The following ARHGAP35 variants were observed in gnomAD, a reference collection of about 807,000 sequenced individuals.
ARHGAP35 encodes the protein Rho GTPase activating protein 35.
ARHGAP35 carries 15 observed loss-of-function variants against 111.1 expected under a neutral mutation model. The ratio of observed to expected loss-of-function variants is 0.13; its 90% CI spans 0.09 to 0.21. The LOEUF (loss-of-function observed/expected upper bound fraction) is 0.21. Among genes scored for constraint, ARHGAP35 ranks in the 10% least tolerant of loss-of-function variants. ARHGAP35 has a pLI of 1.00. For synonymous variants in ARHGAP35, 643 were observed against 710.3 expected (o/e 0.91, Z 1.51); for missense variants, 1,262 against 1,873.0 (o/e 0.67, Z 6.02).
At chr19:46,861,443 C>A (rs1425353745) in intron 1 of ARHGAP35, among the ~76,000 whole-genome samples, 1 of 149,754 alleles carries the variant, frequency 6.7e-6, no homozygotes, top group East Asian at 2.0e-4. Flanking sequence ...CTGCCCGCCC[C>A]AGCCCTGCTG....
rs2056695898 is a variant in ARHGAP35, at chr19:46,994,427, G to A, written c.4036+4752G>A. 1.3e-5 allele frequency among the ~76,000 whole-genome samples: 2 copies of A among 152,338 alleles called. No individual in the cohort carries two copies. The highest frequency in any genetic ancestry group is 3.4e-3 in the Middle Eastern group (1 of 294). On this transcript the variant is annotated intron_variant, in intron 5 of 6. Coordinates refer to ENST00000672722, the MANE Select transcript of ARHGAP35 (RefSeq NM_004491.5). This position sits in a 1 kb window ranked among gnomAD's most constrained non-coding sequence, Gnocchi z 5.4. ...AGGGTAGAAGGTGTCCAGGGTGCAC[G>A]GGCTGGGCTGGCTCTTGGCCACCAG...
intron 1 of ARHGAP35, among the ~76,000 whole-genome samples, chr19:46,862,928 A>C (rs928818345): frequency 6.6e-6 from 1 of 151,478 alleles, no homozygotes; most frequent in Admixed American, 6.6e-5. Flanking sequence ...CTTCTTAATC[A>C]TTCTTTCCTA....
At chr19:46,899,176 C>T (rs1242571994) in intron 1 of ARHGAP35, among the ~76,000 whole-genome samples, 6 of 152,062 alleles carry the variant, frequency 3.9e-5, no homozygotes, top group African/African-American at 1.4e-4. Context: ...GCAGAGAAGG[C>T]ATTATTTTAC....
chr19:46,980,902 G>A (rs1177304269), intron 3 of ARHGAP35, among the ~76,000 whole-genome samples: 1 of 152,156 alleles, frequency 6.6e-6, no homozygotes, highest in African/African-American at 2.4e-5. Context: ...ATACCACCAG[G>A]GGATGAGGTG....
At chr19:46,889,337 T>C (rs910968749) in intron 1 of ARHGAP35, among the ~76,000 whole-genome samples, 38 of 151,906 alleles carry the variant, frequency 2.5e-4, no homozygotes, top group Admixed American at 6.6e-5. Flanking sequence ...CGTGTGCCTG[T>C]AGTCCCAGCT....
intron 2 of ARHGAP35, among the ~76,000 whole-genome samples, chr19:46,924,492 C>T (rs904740112): frequency 6.6e-6 from 1 of 152,236 alleles, no homozygotes; most frequent in African/African-American, 2.4e-5. Flanking sequence ...TTAATAAATG[C>T]CATAGGCATC....
chr19:46,899,115 C>T (rs375548969), intron 1 of ARHGAP35, among the ~76,000 whole-genome samples: 48 of 152,264 alleles, frequency 3.2e-4, no homozygotes, highest in African/African-American at 1.1e-3. Flanking sequence ...CGCGTTTGAC[C>T]AAATGAATGC....
At chr19:46,864,079 A>G (rs2055843072) in intron 1 of ARHGAP35, among the ~76,000 whole-genome samples, 1 of 152,240 alleles carries the variant, frequency 6.6e-6, no homozygotes, top group Non-Finnish European at 1.5e-5. Flanking sequence ...CCTGCCGTAC[A>G]AGGGGTGTGT....
rs914889984 is a variant in ARHGAP35, at chr19:46,901,431, G to A, written c.-188-17057G>A. 1.2e-4 allele frequency among the ~76,000 whole-genome samples: 18 copies of A among 152,160 alleles called. No homozygotes were observed. The highest frequency in any genetic ancestry group is 4.1e-4 in the African/African-American group (17 of 41,450). ...AAATTAGCTAGGCATGGTGACGCGTGCCTGTAGTTCCAGCTACTTGGAAGG... is the reference window on the plus strand; with the variant it reads ...AAATTAGCTAGGCATGGTGACGCGTACCTGTAGTTCCAGCTACTTGGAAGG... On this transcript the variant is annotated intron_variant, in intron 1 of 6. Transcript: ENST00000672722. This position sits in a 1 kb window ranked among gnomAD's most constrained non-coding sequence, Gnocchi z 4.5.
intron 1 of ARHGAP35, among the ~76,000 whole-genome samples, chr19:46,892,028 C>T (rs199676269): frequency 1.3e-5 from 2 of 148,498 alleles, no homozygotes; most frequent in Admixed American, 6.8e-5. Context: ...GACTCACAAC[C>T]GTAATCCCAG....
chr19:46,931,770 G>A (rs1599828823), intron 2 of ARHGAP35, among the ~76,000 whole-genome samples: 1 of 152,152 alleles, frequency 6.6e-6, no homozygotes, highest in South Asian at 2.1e-4. Context: ...ACCATGCAGG[G>A]GAAAGAGCAT....
chr19:46,968,310 C>T (rs959310416), intron 3 of ARHGAP35, among the ~76,000 whole-genome samples: 6 of 152,036 alleles, frequency 3.9e-5, no homozygotes, highest in Admixed American at 1.3e-4. Context: ...ATAGGGCATG[C>T]GTGTGAAACA....
At chr19:46,956,255 C>A (rs2056438557) in intron 3 of ARHGAP35, among the ~76,000 whole-genome samples, 1 of 152,078 alleles carries the variant, frequency 6.6e-6, no homozygotes, top group Non-Finnish European at 1.5e-5. Context: ...GAGGCAGAGG[C>A]CACAGTAAGC....
At chr19:46,912,045 CTTTT>C (rs952290963) in intron 1 of ARHGAP35, among the ~76,000 whole-genome samples, 2 of 139,940 alleles carry the variant, frequency 1.4e-5, no homozygotes, top group Non-Finnish European at 3.1e-5. Flanking sequence ...CCCTTCTTTT[CTTTT>C]TTTTTTTTTT....
chr19:46,875,014 G>A (rs781501405), intron 1 of ARHGAP35, among the ~76,000 whole-genome samples: 16 of 149,106 alleles, frequency 1.1e-4, no homozygotes, highest in South Asian at 2.1e-4. Flanking sequence ...GTTTCACCAT[G>A]TTGGTCAGGC....
intron 1 of ARHGAP35, among the ~76,000 whole-genome samples, chr19:46,868,420 T>C (rs2055869855): frequency 6.6e-6 from 1 of 152,250 alleles, no homozygotes; most frequent in Non-Finnish European, 1.5e-5. Flanking sequence ...TAGACTATTC[T>C]GATTAATGTC....
In ARHGAP35 at chr19:46,920,670, C is replaced by T. The variant is rs1031361752; in HGVS notation, c.1995C>T (p.Tyr665=). The change falls in exon 2 of 7, where the codon TAC becomes TAT. Residue 665 remains tyrosine (Y), a synonymous_variant. Transcript: ENST00000672722. The surrounding 1 kb of genome is among the most constrained non-coding windows in gnomAD (Gnocchi z 7.0). ...TFQPHGCLCL[Y]NSKESLSYVV... ...AGCCCCACGGCTGTCTCTGCCTTTACAATTCAAAGGAATCGCTATCCTATG... is the reference window on the plus strand; with the variant it reads ...AGCCCCACGGCTGTCTCTGCCTTTATAATTCAAAGGAATCGCTATCCTATG... 5 of 1,613,854 alleles carry T rather than the reference C, an allele frequency of 3.1e-6. No homozygotes were observed. The East Asian group carries it at 6.7e-5, about 22-fold the overall frequency.
chr19:46,925,666 T>A (rs978389412), intron 2 of ARHGAP35, among the ~76,000 whole-genome samples: 1 of 152,100 alleles, frequency 6.6e-6, no homozygotes, highest in Non-Finnish European at 1.5e-5. Flanking sequence ...TCGGGTTAGT[T>A]ATGTTAGAGT....
chr19:46,917,476 C>T (rs758115758), intron 1 of ARHGAP35, among the ~76,000 whole-genome samples: 8 of 152,014 alleles, frequency 5.3e-5, no homozygotes, highest in Non-Finnish European at 7.4e-5. Context: ...GGCACGGTGG[C>T]GCATGCCTGT....
Sources: gnomAD v4.1 joint callset for allele counts (sites outside exome capture counted in the v4.1 genomes callset) on GRCh38, gnomAD v4.1.1 for gene constraint, Gnocchi (gnomAD v3.1) non-coding constraint, MANE v1.5 for transcripts, NCBI Gene and HGNC (gene_info 2026-07-23, HGNC 2026-07-21) for gene names.